Variants in KIDINS220 observed in about 807,000 individuals in gnomAD.
KIDINS220 encodes the protein kinase D interacting substrate 220, also known as kinase D-interacting substrate of 220 kDa.
A neutral mutation model predicts 157.6 loss-of-function variants in KIDINS220; 63 were observed. The ratio of observed to expected loss-of-function variants is 0.40; its 90% CI spans 0.33 to 0.49. The LOEUF is 0.49. Among genes scored for constraint, KIDINS220 ranks in the 20% least tolerant of loss-of-function variants. The pLI, the probability that KIDINS220 is intolerant of heterozygous loss-of-function variation, is 0.66. For missense variants in KIDINS220, 1,772 were observed against 2,171.2 expected (o/e 0.82, Z 3.65); for synonymous variants, 732 against 783.6 (o/e 0.93, Z 1.10).
intron 17 of KIDINS220, among the ~76,000 whole-genome samples, chr2:8,781,090 A>G (rs1319386427): frequency 6.7e-6 from 1 of 148,768 alleles, no homozygotes; most frequent in African/African-American, 2.5e-5. Flanking sequence ...ATGAATGGAG[A>G]AAGCTATACC....
intron 24 of KIDINS220, 37 bp from the exon 25 acceptor site, chr2:8,748,037 T>C (rs367845055): frequency 1.0e-4 from 127 of 1,216,398 alleles, no homozygotes; most frequent in Non-Finnish European, 1.3e-4. Flanking sequence ...GGGTAAACAA[T>C]TACAGAAATG....
chr2:8,737,943 GTCATAACA>G (rs1665106256), intron 26 of KIDINS220, among the ~76,000 whole-genome samples: 1 of 152,162 alleles, frequency 6.6e-6, no homozygotes, highest in Non-Finnish European at 1.5e-5. Flanking sequence ...GGTCCACCAT[GTCATAACA>G]TGCCAGTCCT....
intron 26 of KIDINS220, among the ~76,000 whole-genome samples, chr2:8,739,083 T>C (rs1048798784): frequency 1.3e-5 from 2 of 152,202 alleles, no homozygotes; most frequent in Non-Finnish European, 2.9e-5. Context: ...TTTATGTCTA[T>C]GGAGAAGCTG....
At chr2:8,740,046 C>T (rs936727683) in intron 26 of KIDINS220, 7 of 287,858 alleles carry the variant, frequency 2.4e-5, no homozygotes, top group African/African-American at 6.8e-5. Flanking sequence ...ATAAACCGAA[C>T]GCACCTTAGT....
At chr2:8,814,503 G>C (rs1676775604) in intron 4 of KIDINS220, among the ~76,000 whole-genome samples, 1 of 152,156 alleles carries the variant, frequency 6.6e-6, no homozygotes, top group South Asian at 2.1e-4. Flanking sequence ...TAGACAGATA[G>C]AGTAGGGTGT....
At chr2:8,836,475 C>T (rs1323256878) in intron 1 of KIDINS220, among the ~76,000 whole-genome samples, 1 of 152,236 alleles carries the variant, frequency 6.6e-6, no homozygotes, top group Non-Finnish European at 1.5e-5. Flanking sequence ...TTGTCAAATA[C>T]ACATATCCCT....
chr2:8,776,067 T>C (rs1670927096), intron 21 of KIDINS220, among the ~76,000 whole-genome samples: 1 of 152,178 alleles, frequency 6.6e-6, no homozygotes, highest in South Asian at 2.1e-4. Context: ...AGAACTCACT[T>C]AAAGGAACTT....
At chr2:8,791,879 G>T (rs1467318930) in intron 12 of KIDINS220, among the ~76,000 whole-genome samples, 2 of 152,048 alleles carry the variant, frequency 1.3e-5, no homozygotes, top group African/African-American at 4.8e-5. Context: ...AGAAGAATGT[G>T]TAAGAATAGA....
rs1332630973 is a variant in KIDINS220, at chr2:8,730,405, A to G, written c.*315T>C. On this transcript the variant is annotated 3_prime_UTR_variant, in exon 30 of 30. Coordinates refer to ENST00000256707, the MANE Select transcript of KIDINS220 (RefSeq NM_020738.4). ...TTTTTGGCACATTAAGCCCTTTAAA[A>G]TACTTCTGACCTATCTTTATACTCA... The G allele has an allele frequency of 9.0e-6, 10 of 1,114,992 alleles. No homozygotes were observed. The highest frequency in any genetic ancestry group is 1.1e-5 in the Non-Finnish European group (10 of 914,832). 69.1% of individuals were successfully genotyped at this position (1,114,992 alleles called of 1,614,324 possible).
At chr2:8,836,585 C>T (rs968765403) in intron 1 of KIDINS220, among the ~76,000 whole-genome samples, 2 of 152,212 alleles carry the variant, frequency 1.3e-5, no homozygotes, top group African/African-American at 4.8e-5. Context: ...TGAAAGTAGT[C>T]CATGCTAGTA....
intron 22 of KIDINS220, 133 bp downstream of exon 22, chr2:8,770,533 GAATT>G (rs1670059810): frequency 4.2e-6 from 2 of 478,004 alleles, no homozygotes; most frequent in Non-Finnish European, 7.2e-6. Context: ...AATTATAATG[GAATT>G]AATAAGAATG....
At chr2:8,802,903 G>T (rs186832806) in intron 8 of KIDINS220, 27 bp downstream of exon 8, 106 of 1,599,196 alleles carry the variant, frequency 6.6e-5, no homozygotes, top group Middle Eastern at 3.3e-4. Context: ...TCACCACTAG[G>T]AGACAAATGT....
chr2:8,830,747 A>T (rs1036292047), intron 1 of KIDINS220, among the ~76,000 whole-genome samples: 32 of 152,126 alleles, frequency 2.1e-4, no homozygotes, highest in African/African-American at 7.5e-4. Flanking sequence ...ACACCAGAGA[A>T]AGCAGGCTAT....
chr2:8,801,355 G>A (rs1391457469), intron 8 of KIDINS220, among the ~76,000 whole-genome samples: 2 of 152,186 alleles, frequency 1.3e-5, no homozygotes, highest in African/African-American at 4.8e-5. Context: ...GCACCATGCT[G>A]TAGTGTGTTA....
At chr2:8,763,366 T>C (rs978009675) in intron 22 of KIDINS220, among the ~76,000 whole-genome samples, 8 of 152,236 alleles carry the variant, frequency 5.3e-5, no homozygotes, top group Non-Finnish European at 1.2e-4. Context: ...TGAGCATCCC[T>C]AATCCAAAAA....
rs180778177 is a variant in KIDINS220 at position 8,734,580 on chromosome 2, C to T, written c.3816+75G>A. 5 of 1,088,434 alleles carry T rather than the reference C, an allele frequency of 4.6e-6. No individual in the cohort carries two copies. The Admixed American group carries it at 1.1e-4, about 23-fold the overall frequency. The allele number at this position is 1,088,434 out of a possible 1,614,324, so 67.4% of individuals were successfully genotyped here. ...GCCAGTACTTATTGATACTGGTTTT[C>T]TACAATGTTATAAATAATTTTGAAT... is the stretch of plus-strand genomic sequence containing the variant. On this transcript the variant is annotated intron_variant, in intron 28 of 29. Transcript: ENST00000256707.
intron 4 of KIDINS220, among the ~76,000 whole-genome samples, chr2:8,813,577 A>G (rs989009242): frequency 4.6e-5 from 7 of 152,232 alleles, no homozygotes; most frequent in Non-Finnish European, 8.8e-5. Flanking sequence ...TGAATTAGAG[A>G]ACATTCATTA....
intron 1 of KIDINS220, among the ~76,000 whole-genome samples, chr2:8,832,491 A>G (rs1679790284): frequency 6.6e-6 from 1 of 152,222 alleles, no homozygotes; most frequent in African/African-American, 2.4e-5. Flanking sequence ...GATAAAATAA[A>G]TAAGACCCCC....
downstream of KIDINS220, chr2:8,724,747 C>T (rs565002290): frequency 3.3e-5 from 5 of 152,458 alleles, no homozygotes; most frequent in East Asian, 9.6e-4. The surrounding 1 kb of genome is among the most constrained non-coding windows in gnomAD (Gnocchi z 4.6). Context: ...CTACCTCAGC[C>T]TCCCGAATAG....
Sources: gnomAD v4.1 joint callset for allele counts (sites outside exome capture counted in the v4.1 genomes callset) on GRCh38, gnomAD v4.1.1 for gene constraint, Gnocchi (gnomAD v3.1) non-coding constraint, MANE v1.5 for transcripts, NCBI Gene and HGNC (gene_info 2026-07-23, HGNC 2026-07-21) for gene names.